The following CAPS2 variants were observed in gnomAD, a reference collection of about 807,000 sequenced individuals.
The protein encoded by CAPS2 is calcyphosine 2.
In CAPS2, 98 loss-of-function variants were observed where a neutral mutation model predicts 86.5. The ratio of observed to expected loss-of-function variants is 1.13; its 90% confidence interval spans 0.96 to 1.34. The LOEUF (loss-of-function observed/expected upper bound fraction) is 1.34. CAPS2 is among the 40% of genes most tolerant of loss of function. The probability of loss-of-function intolerance (pLI) is 0.00; values close to 1 mark genes in which losing one functional copy is unlikely to be tolerated. For synonymous variants in CAPS2, 210 were observed against 225.1 expected (o/e 0.93, Z 0.60); for missense variants, 729 against 686.8 (o/e 1.06, Z -0.69).
chr12:75,363,077 TAATC>T, intron 1 of CAPS2: 1 of 1,270,196 alleles, frequency 7.9e-7, no homozygotes, highest in Non-Finnish European at 1.1e-6. Flanking sequence ...GCCATTTGGC[TAATC>T]AATGTTTCTC....
chr12:75,318,634 T>A (rs753525369), intron 5 of CAPS2, among the ~76,000 whole-genome samples: 15 of 152,012 alleles, frequency 9.9e-5, no homozygotes, highest in Non-Finnish European at 1.5e-4. Context: ...TATCTAAAGG[T>A]CTCCCCTGTG....
At chr12:75,364,029 G>A (rs570957749) in intron 1 of CAPS2, among the ~76,000 whole-genome samples, 1 of 152,302 alleles carries the variant, frequency 6.6e-6, no homozygotes, top group South Asian at 2.1e-4. Flanking sequence ...CCTCGGTTAA[G>A]ATAAGGGGTT....
chr12:75,369,863 G>A, intron 1 of CAPS2: 2 of 1,331,730 alleles, frequency 1.5e-6, no homozygotes, highest in East Asian at 2.7e-5. Flanking sequence ...ACTAATTTTT[G>A]TTAGTTGATT....
At chr12:75,371,396 C>T in intron 1 of CAPS2, 1 of 250,798 alleles carries the variant, frequency 4.0e-6, no homozygotes, top group Non-Finnish European at 8.3e-6. Context: ...GTTGCCCACC[C>T]ACATTGAGGT....
intron 11 of CAPS2, among the ~76,000 whole-genome samples, chr12:75,294,612 T>C (rs2036567899): frequency 6.6e-6 from 1 of 151,788 alleles, no homozygotes; most frequent in Non-Finnish European, 1.5e-5. Flanking sequence ...TTTTTCCCCC[T>C]CCCCCACCTC....
intron 7 of CAPS2, among the ~76,000 whole-genome samples, chr12:75,311,609 C>T (rs1417973187): frequency 1.4e-5 from 2 of 145,620 alleles, no homozygotes; most frequent in African/African-American, 5.1e-5. Context: ...GGCACACCCA[C>T]GTAGGGAAGA....
In CAPS2 at chr12:75,293,231, A is replaced by T; in HGVS notation, c.1163+18T>A. 4 of 1,413,298 alleles carry T rather than the reference A, an allele frequency of 2.8e-6. No individual in the cohort carries two copies. Among genetic ancestry groups the T allele is most frequent in the Non-Finnish European group, 4.0e-6 (4 of 1,005,602 alleles). The allele number at this position is 1,413,298 out of a possible 1,614,324, so 87.5% of individuals were successfully genotyped here. ...GTTTTCACCTACTTTCAAATTGCCA[A>T]ATGCATATTTAACTTACTTGAGAGA... On this transcript the variant is annotated intron_variant, in intron 12 of 16. Transcript: ENST00000393284.
intron 7 of CAPS2, among the ~76,000 whole-genome samples, chr12:75,311,705 AAAAAAAC>A (rs1282739302): frequency 7.4e-5 from 1 of 13,486 alleles, no homozygotes; most frequent in South Asian, 1.9e-3. Flanking sequence ...TGCAGGAAAA[AAAAAAAC>A]AAAAAAAAAA....
intron 11 of CAPS2, among the ~76,000 whole-genome samples, chr12:75,294,270 T>C (rs1254592109): frequency 6.6e-6 from 1 of 152,226 alleles, no homozygotes; most frequent in East Asian, 1.9e-4. Flanking sequence ...AAATAGGGGC[T>C]TAATTCTGCC....
At chr12:75,291,666 C>G in intron 13 of CAPS2, 78 bp downstream of exon 13, 1 of 490,316 alleles carries the variant, frequency 2.0e-6, no homozygotes, top group Non-Finnish European at 3.4e-6. Flanking sequence ...TGAGAAATAT[C>G]TGGGAAAATG....
intron 1 of CAPS2, among the ~76,000 whole-genome samples, chr12:75,378,866 T>C (rs1442810212): frequency 1.3e-5 from 2 of 152,210 alleles, no homozygotes; most frequent in African/African-American, 4.8e-5. Flanking sequence ...ATCATGTATA[T>C]AGAGTCTTAT....
rs1389028554 is a variant in CAPS2 at position 75,321,405 on chromosome 12, C to A, written c.463G>T (p.Glu155Ter). 1 of 1,532,348 alleles carries A rather than the reference C, an allele frequency of 6.5e-7. No individual in the cohort carries two copies. Among genetic ancestry groups the A allele is most frequent in the Admixed American group, 2.1e-5 (1 of 47,624 alleles). 94.9% of individuals were successfully genotyped at this position (1,532,348 alleles called of 1,614,324 possible). A position where few individuals can be genotyped will look rare whatever the true frequency, so the allele number is the denominator to read the frequency against. ...TTTAAAGCCTCATACATTACCTTTT[C>A]ATCTATCTTGTTTCTTGGAGACTGT... Residue 155 changes from glutamate (E) to a stop codon, truncating the protein, a stop_gained, in exon 5 of 17, where the codon GAA becomes TAA. Transcript: ENST00000393284. LOFTEE classifies it high-confidence loss of function.
At chr12:75,332,941 A>G (rs1324430521), upstream of CAPS2, among the ~76,000 whole-genome samples, 1 of 152,242 alleles carries the variant, frequency 6.6e-6, no homozygotes, top group Non-Finnish European at 1.5e-5. Context: ...AACTCTATAA[A>G]GAGCACTGCA....
At chr12:75,286,502 T>C (rs761771007) in intron 14 of CAPS2, among the ~76,000 whole-genome samples, 2 of 151,738 alleles carry the variant, frequency 1.3e-5, no homozygotes, top group African/African-American at 2.4e-5. Context: ...AATACATATT[T>C]ATATTTATAT....
intron 1 of CAPS2, among the ~76,000 whole-genome samples, chr12:75,338,458 T>C (rs1206675525): frequency 6.6e-6 from 1 of 152,170 alleles, no homozygotes; most frequent in Non-Finnish European, 1.5e-5. Context: ...ATCATCTCAA[T>C]AGAGTCATGA....
chr12:75,304,925 C>G (rs773841222), intron 7 of CAPS2, 49 bp from the exon 8 acceptor site: 2 of 1,573,402 alleles, frequency 1.3e-6, no homozygotes, highest in Non-Finnish European at 1.7e-6. Context: ...TCATGCATTA[C>G]TTTAAAATTC....
intron 1 of CAPS2, among the ~76,000 whole-genome samples, chr12:75,352,023 G>T (rs1302797526): frequency 6.6e-6 from 1 of 152,066 alleles, no homozygotes; most frequent in Admixed American, 6.6e-5. Flanking sequence ...ATATGGAAAG[G>T]AAAAATGGTT....
chr12:75,288,090 TTTGTG>T (rs2035216301), intron 14 of CAPS2, among the ~76,000 whole-genome samples: 1 of 152,178 alleles, frequency 6.6e-6, no homozygotes, highest in African/African-American at 2.4e-5. Flanking sequence ...GGAAACATAG[TTTGTG>T]TTATTTTTCT....
At chr12:75,311,715 A>C (rs2039223129) in intron 7 of CAPS2, among the ~76,000 whole-genome samples, 1 of 32,594 alleles carries the variant, frequency 3.1e-5, no homozygotes, top group Non-Finnish European at 7.9e-5. Flanking sequence ...AAAAAAACAA[A>C]AAAAAAAACA....
Sources: allele counts gnomAD v4.1 joint callset (sites outside exome capture counted in the v4.1 genomes callset), GRCh38; gene constraint gnomAD v4.1.1; transcripts MANE v1.5; gene names NCBI Gene and HGNC (gene_info 2026-07-23, HGNC 2026-07-21).